TLE2: variants seen among roughly 807,000 people sequenced by gnomAD.
The protein encoded by TLE2 is TLE family member 2, transcriptional corepressor, also known as transducin-like enhancer protein 2.
Under a neutral mutation model 97.2 loss-of-function variants are expected in TLE2, and 74 were observed. The observed-to-expected ratio is 0.76, with a 90% CI of 0.63 to 0.92. The LOEUF is 0.92. TLE2 is among the 40% of genes least tolerant of loss of function. The pLI is 0.00. For missense variants in TLE2, 1,038 were observed against 1,008.7 expected, an observed-to-expected ratio of 1.03 and a Z score of -0.39; for synonymous variants, 499 against 432.1, an observed-to-expected ratio of 1.15 and a Z score of -1.92.
intron 5 of TLE2, among the ~76,000 whole-genome samples, chr19:3,021,647 C>T (rs1164732940): frequency 6.6e-6 from 1 of 151,818 alleles, no homozygotes; most frequent in African/African-American, 2.4e-5. Flanking sequence ...CAATGGCATG[C>T]TCTTGGCTCA....
chr19:3,019,561 A>G lies in TLE2; in HGVS notation c.370-98T>C, dbSNP rs374723675. On this transcript the variant is annotated intron_variant, in intron 6 of 19. Transcript: ENST00000262953. The surrounding 1 kb of genome is among the most constrained non-coding windows in gnomAD (Gnocchi z 5.1). The stretch of plus-strand genomic sequence containing the variant: ...GACACAGGGGATGGGACCTAAGCAC[A>G]GCATGTGCCCCTGGGGTTCCCAGGA... 4 of 1,493,712 alleles carry G rather than the reference A, an allele frequency of 2.7e-6. No individual in the cohort carries two copies. The South Asian group carries it at 4.0e-5, about 15-fold the overall frequency. The allele number at this position is 1,493,712 out of a possible 1,614,324, so 92.5% of individuals were successfully genotyped here.
chr19:3,006,939 T>G (rs1025032587), intron 14 of TLE2, among the ~76,000 whole-genome samples: 1 of 149,106 alleles, frequency 6.7e-6, no homozygotes, highest in African/African-American at 2.5e-5. Context: ...TGCGCCACCA[T>G]GCCTGGCTAA....
upstream of TLE2, among the ~76,000 whole-genome samples, chr19:3,030,930 G>T (rs1409459368): frequency 7.2e-6 from 1 of 138,672 alleles, no homozygotes; most frequent in African/African-American, 2.7e-5. Context: ...CAGCCTGGGT[G>T]ACAGAGCAGG....
At chr19:3,021,393 G>C (rs1428680272) in intron 5 of TLE2, among the ~76,000 whole-genome samples, 4 of 150,864 alleles carry the variant, frequency 2.7e-5, no homozygotes, top group African/African-American at 7.3e-5. Context: ...GACAGAGCGA[G>C]ACTCAGTCTC....
At position 3,005,107 on chromosome 19, in the gene TLE2, C is replaced by T. The variant is rs2089445194; in HGVS notation, c.1896+330G>A. Among the ~76,000 whole-genome samples, 5 of 151,966 alleles carry T rather than the reference C, an allele frequency of 3.3e-5. No individual in the cohort carries two copies. In the South Asian group the frequency reaches 6.2e-4, roughly 19 times the overall value. ...AGTGTGTGTCCCGCGCTCTCGGCGG[C>T]GTCCAGAGATTAAAGGCTAGAAGAA... On this transcript the variant is annotated intron_variant, in intron 17 of 19. Transcript: ENST00000262953.
chr19:3,008,889 G>C lies in TLE2; in HGVS notation c.1230C>G (p.Pro410=), dbSNP rs370492673. Residue 410 remains proline (P), a synonymous_variant, in exon 14 of 20, where the codon CCC becomes CCG. Transcript: ENST00000262953. ...CTCACGGCTTTCCCCCAGGGATGCT[G>C]GGTAGGGAGGAAGAGACGGATGACC... ...LRGSSVSSSL[P]SIPGGKPAYS... is the part of the protein sequence containing the mutation. The C allele has an allele frequency of 1.2e-5, 19 of 1,592,182 alleles. No individual in the cohort carries two copies. In the African/African-American group the frequency reaches 2.6e-4, roughly 21 times the overall value.
intron 18 of TLE2, among the ~76,000 whole-genome samples, chr19:3,001,978 A>G (rs1265727282): frequency 6.6e-6 from 1 of 151,486 alleles, no homozygotes; most frequent in African/African-American, 2.4e-5. Flanking sequence ...TTGTACTTTT[A>G]ATAGAGTCAG....
upstream of TLE2, among the ~76,000 whole-genome samples, chr19:3,046,184 TCA>T (rs2090139872): frequency 6.6e-6 from 1 of 152,196 alleles, no homozygotes; most frequent in African/African-American, 2.4e-5. Context: ...TCCGTGGGCC[TCA>T]GTTTTCCCAT....
upstream of TLE2, chr19:3,029,562 G>GC (rs941304896): frequency 1.2e-6 from 1 of 816,062 alleles, no homozygotes; most frequent in South Asian, 5.6e-5. Flanking sequence ...TGGGAGCGGG[G>GC]GGGGGGGCTT....
At position 3,019,511 on chromosome 19, in the gene TLE2, C is replaced by A; in HGVS notation, c.370-48G>T. On this transcript the variant is annotated intron_variant, in intron 6 of 19. Transcript: ENST00000262953. This position sits in a 1 kb window ranked among gnomAD's most constrained non-coding sequence, Gnocchi z 5.1. Reference sequence around the variant, plus strand: ...GGCCGGGGCGGGGGGCGGCAGGAGCCCAGCGGTCCCCAGCCCAAGAGGTAG... The same window carrying A: ...GGCCGGGGCGGGGGGCGGCAGGAGCACAGCGGTCCCCAGCCCAAGAGGTAG... 6.8e-7 allele frequency: 1 copy of A among 1,480,328 alleles called. No individual in the cohort carries two copies. The highest frequency in any genetic ancestry group is 8.9e-7 in the Non-Finnish European group (1 of 1,118,482). 91.7% of individuals were successfully genotyped at this position (1,480,328 alleles called of 1,614,324 possible).
At position 3,015,684 on chromosome 19, in the gene TLE2, C is replaced by T. The variant is rs751899863; in HGVS notation, c.647G>A (p.Arg216Lys). The T allele has an allele frequency of 6.2e-7, 1 of 1,611,154 alleles. No homozygotes were observed. The highest frequency in any genetic ancestry group is 8.5e-7 in the Non-Finnish European group (1 of 1,179,180). ...PSGPGGGGKQ[R>K]ADEKEPSGPY... is the part of the protein sequence containing the mutation. ...TCCTGATGGCTCCTTCTCATCTGCT[C>T]TCTGCTTCCCGCCACCACCAGGGCC... is the stretch of plus-strand genomic sequence containing the variant. The change falls in exon 9 of 20, where the codon AGA becomes AAA. Residue 216 changes from arginine (R) to lysine (K), a missense_variant. Arg to Lys is a conservative substitution (Grantham distance 26). Coordinates refer to ENST00000262953, the MANE Select transcript of TLE2 (RefSeq NM_003260.5).
chr19:3,029,413 T>G, upstream of TLE2: 4 of 693,946 alleles, frequency 5.8e-6, no homozygotes, highest in East Asian at 1.5e-4. Flanking sequence ...ACCCGCCCCC[T>G]TCCTTCAGTC....
chr19:3,024,959 AC>A (rs976497093), intron 5 of TLE2, 60 bp downstream of exon 5: 46 of 1,448,678 alleles, frequency 3.2e-5, no homozygotes, highest in African/African-American at 4.2e-5. Flanking sequence ...GCCCAGACCT[AC>A]CCCCTCCCGT....
Position 3,002,456 on chromosome 19 carries a change from T to C in TLE2, c.1944A>G (p.Gly648=). The C allele has an allele frequency of 6.2e-7, 1 of 1,604,596 alleles. No homozygotes were observed. Among genetic ancestry groups the C allele is most frequent in the Non-Finnish European group, 8.5e-7 (1 of 1,176,062 alleles). Residue 648 remains glycine, a synonymous_variant, in exon 18 of 20, where the codon GGA becomes GGG. Transcript: ENST00000262953. ...GGATCTCCACGTTGCTACTCTCCAT[T>C]CCGACCGCCAGCCAGTCCTGGTTAG... The part of the protein sequence containing the change: ...HCPNQDWLAV[G]MESSNVEILH...
intron 11 of TLE2, among the ~76,000 whole-genome samples, chr19:3,012,887 T>C (rs1201286218): frequency 6.6e-6 from 1 of 151,572 alleles, no homozygotes; most frequent in Non-Finnish European, 1.5e-5. Context: ...AGAGAGTGGA[T>C]GGGACGACTG....
chr19:3,000,555 G>C (rs2089333482), intron 19 of TLE2, 92 bp downstream of exon 19: 1 of 1,200,930 alleles, frequency 8.3e-7, no homozygotes, highest in Non-Finnish European at 1.2e-6. Context: ...GGGGGGACCT[G>C]GGGGACAGGG....
chr19:3,034,959 C>G (rs564119337), intron 1 of TLE2, among the ~76,000 whole-genome samples: 1 of 152,146 alleles, frequency 6.6e-6, no homozygotes. Flanking sequence ...GGGCATTGCC[C>G]GGTGAGTGAG....
chr19:3,003,701 C>G (rs1255528510), intron 17 of TLE2, among the ~76,000 whole-genome samples: 1 of 149,338 alleles, frequency 6.7e-6, no homozygotes, highest in Non-Finnish European at 1.5e-5. Context: ...TCACTCTTAG[C>G]TTGGAATGTT....
rs562875053 is a variant in TLE2 at position 3,001,791 on chromosome 19, CTTT to C, written c.2047+559_2047+561del. ...TGCCTGGCTTAAATTTCTTTTCTTT[CTTT>C]TTTTTTTTTTTTTTTTTTTTAAGAT... On this transcript the variant is annotated intron_variant, in intron 18 of 19. Coordinates refer to ENST00000262953, the MANE Select transcript of TLE2 (RefSeq NM_003260.5). Among the ~76,000 whole-genome samples, 541 of 111,412 alleles carry C rather than the reference CTTT, an allele frequency of 4.9e-3. 3 individuals carry two copies. The highest frequency in any genetic ancestry group is 0.014 in the South Asian group (49 of 3,424). 73.1% of individuals were successfully genotyped at this position (111,412 alleles called of 152,430 possible).
Sources: gnomAD v4.1 joint callset for allele counts (sites outside exome capture counted in the v4.1 genomes callset) on GRCh38, gnomAD v4.1.1 for gene constraint, Gnocchi (gnomAD v3.1) non-coding constraint, MANE v1.5 for transcripts, NCBI Gene and HGNC (gene_info 2026-07-23, HGNC 2026-07-21) for gene names.